Variants in AKAP13 observed in about 807,000 individuals in gnomAD.
The protein encoded by AKAP13 is A-kinase anchoring protein 13, also known as A-kinase anchor protein 13.
Under a neutral mutation model 264.5 loss-of-function variants are expected in AKAP13, and 80 were observed. The observed-to-expected ratio is 0.30, with a 90% CI of 0.25 to 0.36. The LOEUF is 0.36. Ranked by LOEUF, AKAP13 falls within the 10% of genes least tolerant of loss-of-function variation. AKAP13 has a pLI of 1.00. For synonymous variants in AKAP13, 1,380 were observed against 1,250.2 expected (o/e 1.10, Z -2.19); for missense variants, 3,712 against 3,435.2 (o/e 1.08, Z -2.01).
In AKAP13 at chr15:85,693,442, A is replaced by G. The variant is rs752566933; in HGVS notation, c.5455A>G (p.Thr1819Ala). ...GCCCTTCACCAACAAAGATGCCTAT[A>G]CTTGTGCAAGTAAGAGACATGCTTC... is the stretch of plus-strand genomic sequence containing the variant. ...MKPFTNKDAYTCANCSAFVHK... is the reference protein window; with the variant it reads ...MKPFTNKDAYACANCSAFVHK... The change falls in exon 17 of 37, where the codon ACT becomes GCT. Residue 1819 changes from threonine (T) to alanine (A), a missense_variant. By Grantham distance (58) the Thr-to-Ala change is moderately conservative. Coordinates refer to ENST00000394518, the MANE Select transcript of AKAP13 (RefSeq NM_007200.5). 6.2e-6 allele frequency: 10 copies of G among 1,612,398 alleles called. No homozygotes were observed. The highest frequency in any genetic ancestry group is 5.9e-6 in the Non-Finnish European group (7 of 1,179,630).
At chr15:85,528,349 G>C (rs2077147067) in intron 3 of AKAP13, among the ~76,000 whole-genome samples, 1 of 152,056 alleles carries the variant, frequency 6.6e-6, no homozygotes, top group African/African-American at 2.4e-5. Context: ...AATTTTTTTA[G>C]TTCTATAGTG....
At chr15:85,680,654 C>T (rs2084540213) in intron 14 of AKAP13, among the ~76,000 whole-genome samples, 1 of 152,046 alleles carries the variant, frequency 6.6e-6, no homozygotes. Context: ...TGCCTGAGCC[C>T]AGGGGTTCAA....
At chr15:85,459,194 C>T (rs894950016) in intron 1 of AKAP13, among the ~76,000 whole-genome samples, 6 of 152,058 alleles carry the variant, frequency 3.9e-5, no homozygotes, top group African/African-American at 1.4e-4. Flanking sequence ...ACTTGCTCAT[C>T]TACTTTTTCT....
chr15:85,610,660 A>G (rs1341146353), intron 8 of AKAP13, among the ~76,000 whole-genome samples: 3 of 152,188 alleles, frequency 2.0e-5, no homozygotes, highest in Admixed American at 6.5e-5. Flanking sequence ...TTAAGAGAAA[A>G]CTCTGAAGAG....
chr15:85,411,530 C>T (rs1029398292), intron 1 of AKAP13, among the ~76,000 whole-genome samples: 7 of 152,112 alleles, frequency 4.6e-5, no homozygotes, highest in African/African-American at 1.4e-4. Context: ...CTCCGCTTCC[C>T]GGGTTCACGC....
intron 2 of AKAP13, among the ~76,000 whole-genome samples, chr15:85,509,021 C>G (rs905044852): frequency 6.6e-6 from 1 of 152,162 alleles, no homozygotes; most frequent in African/African-American, 2.4e-5. Flanking sequence ...AACTTTCCCT[C>G]TAATGTTACT....
chr15:85,684,979 A>C (rs1427138777), intron 16 of AKAP13, 106 bp downstream of exon 16: 2 of 1,344,762 alleles, frequency 1.5e-6, no homozygotes, highest in African/African-American at 2.9e-5. Flanking sequence ...ATGGAAATAA[A>C]TTCAGGATTA....
At chr15:85,611,809 A>G (rs1312023956) in intron 8 of AKAP13, among the ~76,000 whole-genome samples, 1 of 151,992 alleles carries the variant, frequency 6.6e-6, no homozygotes, top group Non-Finnish European at 1.5e-5. Context: ...TCTGGGCCTT[A>G]TGCAGTCTTC....
chr15:85,436,555 A>T (rs2073304969), intron 1 of AKAP13, among the ~76,000 whole-genome samples: 1 of 149,540 alleles, frequency 6.7e-6, no homozygotes, highest in African/African-American at 2.5e-5. Flanking sequence ...AAAATTGACC[A>T]CATAGTTGGA....
At chr15:85,729,355 G>C (rs909380992) in intron 29 of AKAP13, among the ~76,000 whole-genome samples, 6 of 152,110 alleles carry the variant, frequency 3.9e-5, no homozygotes, top group Non-Finnish European at 7.4e-5. Context: ...GACAGAGTAA[G>C]GAGACAGAGT....
intron 12 of AKAP13, among the ~76,000 whole-genome samples, chr15:85,661,377 TA>T (rs2083338451): frequency 6.6e-6 from 1 of 152,186 alleles, no homozygotes; most frequent in African/African-American, 2.4e-5. Flanking sequence ...AACTTGAAAT[TA>T]AAAAGATACA....
At chr15:85,566,772 G>A (rs2078621417) in intron 5 of AKAP13, among the ~76,000 whole-genome samples, 1 of 151,776 alleles carries the variant, frequency 6.6e-6, no homozygotes, top group Non-Finnish European at 1.5e-5. Context: ...GATTACAGGT[G>A]TGTGCCACCA....
At chr15:85,697,877 C>T (rs2085654468) in intron 17 of AKAP13, among the ~76,000 whole-genome samples, 2 of 152,036 alleles carry the variant, frequency 1.3e-5, no homozygotes. Flanking sequence ...ATAATTGTAC[C>T]CTTAAGTCCT....
intron 5 of AKAP13, among the ~76,000 whole-genome samples, chr15:85,548,764 T>C (rs1398800215): frequency 6.6e-6 from 1 of 152,216 alleles, no homozygotes; most frequent in Non-Finnish European, 1.5e-5. Context: ...ATATTTCTTG[T>C]AGTTCTCTGT....
chr15:85,385,578 C>T (rs1360282747), intron 1 of AKAP13, among the ~76,000 whole-genome samples: 3 of 152,182 alleles, frequency 2.0e-5, no homozygotes, highest in Non-Finnish European at 4.4e-5. Flanking sequence ...GATCTGTTTT[C>T]TGTCTCCATG....
At chr15:85,679,974 T>G (rs566429923) in intron 14 of AKAP13, among the ~76,000 whole-genome samples, 5 of 152,326 alleles carry the variant, frequency 3.3e-5, no homozygotes, top group African/African-American at 9.6e-5. Context: ...TCATCATAAC[T>G]TAACTAAAAT....
intron 7 of AKAP13, among the ~76,000 whole-genome samples, chr15:85,584,047 T>G (rs547450468): frequency 6.6e-6 from 1 of 152,266 alleles, no homozygotes; most frequent in Non-Finnish European, 1.5e-5. Flanking sequence ...TGGCCAGGAT[T>G]GGGAAAATCC....
intron 8 of AKAP13, among the ~76,000 whole-genome samples, chr15:85,629,764 CTTTTTTTTTTTTTTTTTTTTTT>C (rs773396099): frequency 2.0e-5 from 1 of 50,504 alleles, no homozygotes; most frequent in Non-Finnish European, 3.7e-5. Flanking sequence ...CCTTTACAGC[CTTTTTTTTTTTTTTTTTTTTTT>C]TTTTTTTTTT....
At chr15:85,657,622 C>A (rs973103482) in intron 11 of AKAP13, among the ~76,000 whole-genome samples, 2 of 151,766 alleles carry the variant, frequency 1.3e-5, no homozygotes, top group Non-Finnish European at 2.9e-5. Flanking sequence ...AAATAAGCAG[C>A]ATGCTTTTTC....
Sources: allele counts gnomAD v4.1 joint callset (sites outside exome capture counted in the v4.1 genomes callset), GRCh38; gene constraint gnomAD v4.1.1; transcripts MANE v1.5; gene names NCBI Gene and HGNC (gene_info 2026-07-23, HGNC 2026-07-21).